Variants in TPCN1 observed in about 807,000 individuals in gnomAD.
TPCN1 encodes the protein two pore channel protein 1.
In TPCN1, 52 loss-of-function variants were observed where a neutral mutation model predicts 108.8. The ratio of observed to expected loss-of-function variants is 0.48; its 90% CI spans 0.38 to 0.60. The LOEUF (loss-of-function observed/expected upper bound fraction) is 0.60, where lower values mean the gene tolerates loss of function less well. TPCN1 is among the 20% of genes least tolerant of loss of function. The pLI, the probability that TPCN1 is intolerant of heterozygous loss-of-function variation, is 0.00. For missense variants in TPCN1, 806 were observed against 1,072.8 expected, an observed-to-expected ratio of 0.75 and a Z score of 3.47; for synonymous variants, 446 against 433.7, an observed-to-expected ratio of 1.03 and a Z score of -0.35.
chr12:113,273,057 G>C lies in TPCN1; in HGVS notation c.784-175G>C, dbSNP rs1566181215. Among the ~76,000 whole-genome samples, 1 of 152,230 alleles carries C rather than the reference G, an allele frequency of 6.6e-6. No individual in the cohort carries two copies. Among genetic ancestry groups the C allele is most frequent in the Non-Finnish European group, 1.5e-5 (1 of 68,040 alleles). ...CTTCTGCCGGAAGCATCAGGTGCAG[G>C]AAAGGGGAGGCCTCTGGACTGCATG... On this transcript the variant is annotated intron_variant, in intron 8 of 27. Transcript: ENST00000335509. This position sits in a 1 kb window ranked among gnomAD's most constrained non-coding sequence, Gnocchi z 4.0.
intron 10 of TPCN1, among the ~76,000 whole-genome samples, chr12:113,275,486 C>T (rs1405504384): frequency 1.3e-5 from 2 of 152,120 alleles, no homozygotes; most frequent in Admixed American, 6.6e-5. Flanking sequence ...TCAGGTGATC[C>T]GTCCGACTCA....
intron 2 of TPCN1, among the ~76,000 whole-genome samples, chr12:113,250,478 T>C (rs886560202): frequency 6.6e-6 from 1 of 152,222 alleles, no homozygotes; most frequent in African/African-American, 2.4e-5. Context: ...CACGTGGTGA[T>C]GGGGTACTCA....
At chr12:113,278,718 A>G in intron 13 of TPCN1, 54 bp from the exon 14 acceptor site, 2 of 1,489,646 alleles carry the variant, frequency 1.3e-6, no homozygotes, top group Non-Finnish European at 1.9e-6. Context: ...GGCTCCAGGC[A>G]GGGCCCTGGT....
At chr12:113,237,321 G>C (rs947475900) in intron 2 of TPCN1, among the ~76,000 whole-genome samples, 2 of 152,076 alleles carry the variant, frequency 1.3e-5, no homozygotes, top group Admixed American at 1.3e-4. Context: ...AACTTCCCCA[G>C]GTCCCAGAAG....
Position 113,276,803 on chromosome 12 carries a change from C to A in TPCN1, c.943-116C>A. The A allele has an allele frequency of 5.5e-6, 4 of 728,294 alleles. No individual in the cohort carries two copies. The Admixed American group carries it at 5.7e-5, about 10-fold the overall frequency. The allele number at this position is 728,294 out of a possible 1,614,324, so 45.1% of individuals were successfully genotyped here. On this transcript the variant is annotated intron_variant, in intron 10 of 27. Transcript: ENST00000335509. ...TGCAGGCGAGAGGGTCTCCCCAGGG[C>A]CTCTCTGGGGTGACTGGGTAAGAGC...
At chr12:113,223,342 G>A (rs1000326898) in intron 1 of TPCN1, among the ~76,000 whole-genome samples, 1 of 152,080 alleles carries the variant, frequency 6.6e-6, no homozygotes, top group Non-Finnish European at 1.5e-5. Context: ...GGTCAGTTGG[G>A]AGGCAAAGTG....
At chr12:113,253,970 G>C (rs1954741288) in intron 2 of TPCN1, among the ~76,000 whole-genome samples, 1 of 152,236 alleles carries the variant, frequency 6.6e-6, no homozygotes, top group South Asian at 2.1e-4. Flanking sequence ...CTCTTCCTTA[G>C]AGAGATGGTA....
At chr12:113,253,838 T>G (rs1278352600) in intron 2 of TPCN1, among the ~76,000 whole-genome samples, 1 of 152,228 alleles carries the variant, frequency 6.6e-6, no homozygotes, top group Non-Finnish European at 1.5e-5. Flanking sequence ...TGAAAGATAA[T>G]GCGGTGGCCA....
Position 113,267,823 on chromosome 12 carries a change from T to C in TPCN1, c.415-20T>C, listed in dbSNP as rs758082097. 6 of 1,586,792 alleles carry C rather than the reference T, an allele frequency of 3.8e-6. No individual in the cohort carries two copies. Among genetic ancestry groups the C allele is most frequent in the South Asian group, 1.1e-5 (1 of 90,556 alleles). ...TGGGCTGGGCTGGCCATGACACATC[T>C]CCACACCCTCTGGTCTCAGGTCCAC... On this transcript the variant is annotated intron_variant, in intron 4 of 27. Coordinates refer to ENST00000335509, the MANE Select transcript of TPCN1 (RefSeq NM_017901.6).
At chr12:113,250,965 A>G (rs1011337345) in intron 2 of TPCN1, among the ~76,000 whole-genome samples, 2 of 124,626 alleles carry the variant, frequency 1.6e-5, no homozygotes, top group African/African-American at 6.1e-5. Flanking sequence ...CTCTGTCTCA[A>G]AAAAAAAAGA....
At chr12:113,285,168 C>T (rs1362716950) in intron 17 of TPCN1, among the ~76,000 whole-genome samples, 1 of 152,256 alleles carries the variant, frequency 6.6e-6, no homozygotes, top group African/African-American at 2.4e-5. Flanking sequence ...TCCATCAAGT[C>T]TGAGCACACT....
At chr12:113,226,629 G>T in intron 1 of TPCN1, 99 bp from the exon 2 acceptor site, 1 of 1,007,474 alleles carries the variant, frequency 9.9e-7, no homozygotes, top group Non-Finnish European at 1.4e-6. Context: ...TATTCACGAG[G>T]TTGTGCAACC....
intron 2 of TPCN1, among the ~76,000 whole-genome samples, chr12:113,227,226 G>T (rs1003204795): frequency 2.6e-5 from 4 of 152,116 alleles, no homozygotes; most frequent in Non-Finnish European, 4.4e-5. Flanking sequence ...TTGCACCTGA[G>T]GTACCTTGGC....
intron 25 of TPCN1, chr12:113,292,533 C>A: frequency 5.1e-6 from 1 of 196,720 alleles, no homozygotes; most frequent in Non-Finnish European, 1.0e-5. Context: ...GAGGTCAAGA[C>A]TGCAGTGAGC....
intron 2 of TPCN1, among the ~76,000 whole-genome samples, chr12:113,243,520 G>A (rs146616380): frequency 0.024 from 3,686 of 152,286 alleles, 58 homozygotes; most frequent in Middle Eastern, 0.037. Context: ...TTGGGAGGCC[G>A]AGGTGGGTGG....
chr12:113,269,894 G>A lies in TPCN1; in HGVS notation c.748+49G>A, dbSNP rs758336205. 8.8e-6 allele frequency: 14 copies of A among 1,591,558 alleles called. No individual in the cohort carries two copies. Among genetic ancestry groups the A allele is most frequent in the African/African-American group, 2.7e-5 (2 of 74,482 alleles). ...AGGTGCGCTGGAAAAGCAAGTTCAC[G>A]GTGGATGAAAAATTATTTTGGGCCT... On this transcript the variant is annotated intron_variant, in intron 7 of 27. Coordinates refer to ENST00000335509, the MANE Select transcript of TPCN1 (RefSeq NM_017901.6). This position sits in a 1 kb window ranked among gnomAD's most constrained non-coding sequence, Gnocchi z 5.0.
chr12:113,272,792 G>A lies in TPCN1; in HGVS notation c.783+100G>A, dbSNP rs985590996. On this transcript the variant is annotated intron_variant, in intron 8 of 27. Coordinates refer to ENST00000335509, the MANE Select transcript of TPCN1 (RefSeq NM_017901.6). The surrounding 1 kb of genome is among the most constrained non-coding windows in gnomAD (Gnocchi z 4.1). ...CCTGTGGCCATATGGGGAAGGGGGG[G>A]CCTGCCTGGTTTCTCATCATAGCTT... 4.9e-6 allele frequency: 6 copies of A among 1,212,668 alleles called. No homozygotes were observed. The highest frequency in any genetic ancestry group is 2.3e-5 in the East Asian group (1 of 43,086). The allele number at this position is 1,212,668 out of a possible 1,614,324, so 75.1% of individuals were successfully genotyped here.
chr12:113,280,667 G>A (rs575619828), intron 15 of TPCN1, among the ~76,000 whole-genome samples: 14 of 152,338 alleles, frequency 9.2e-5, no homozygotes, highest in Non-Finnish European at 1.8e-4. Context: ...ATTCAGCTTA[G>A]CTGTCACATT....
intron 2 of TPCN1, among the ~76,000 whole-genome samples, chr12:113,228,586 G>A (rs1001751626): frequency 3.9e-5 from 6 of 152,146 alleles, no homozygotes; most frequent in African/African-American, 1.4e-4. Context: ...CTCCAGCCTG[G>A]GCAACAGAGC....
Sources: gnomAD v4.1 joint callset for allele counts (sites outside exome capture counted in the v4.1 genomes callset) on GRCh38, gnomAD v4.1.1 for gene constraint, Gnocchi (gnomAD v3.1) non-coding constraint, MANE v1.5 for transcripts, NCBI Gene and HGNC (gene_info 2026-07-23, HGNC 2026-07-21) for gene names.